Variants in TMCC1 observed in about 807,000 individuals in gnomAD.
TMCC1 encodes transmembrane and coiled-coil domains protein 1.
TMCC1 carries 15 observed loss-of-function variants against 52.4 expected under a neutral mutation model. The ratio of observed to expected loss-of-function variants is 0.29; its 90% CI spans 0.19 to 0.44. The LOEUF (loss-of-function observed/expected upper bound fraction) is 0.44. Ranked by LOEUF, TMCC1 falls within the 20% of genes least tolerant of loss-of-function variation. The pLI is 1.00. For missense variants in TMCC1, 503 were observed against 806.0 expected, an observed-to-expected ratio of 0.62 and a Z score of 4.55; for synonymous variants, 279 against 301.9, an observed-to-expected ratio of 0.92 and a Z score of 0.79.
intron 2 of TMCC1, among the ~76,000 whole-genome samples, chr3:129,846,047 G>GA (rs1014163441): frequency 1.3e-5 from 2 of 150,760 alleles, no homozygotes; most frequent in African/African-American, 4.9e-5. Flanking sequence ...AAAATAAAAA[G>GA]AAAAAACAAA....
intron 2 of TMCC1, among the ~76,000 whole-genome samples, chr3:129,854,976 T>C (rs535935241): frequency 6.6e-6 from 1 of 152,294 alleles, no homozygotes; most frequent in African/African-American, 2.4e-5. Flanking sequence ...AATGAACAAA[T>C]GCATGAACCA....
At chr3:129,740,519 T>G (rs980187390) in intron 4 of TMCC1, among the ~76,000 whole-genome samples, 3 of 152,188 alleles carry the variant, frequency 2.0e-5, no homozygotes, top group African/African-American at 7.2e-5. Context: ...TAATGTTTCC[T>G]AACTCATGGG....
At chr3:129,852,018 T>C (rs1205504365) in intron 2 of TMCC1, among the ~76,000 whole-genome samples, 1 of 151,972 alleles carries the variant, frequency 6.6e-6, no homozygotes, top group Non-Finnish European at 1.5e-5. Flanking sequence ...CCGGGTGTGG[T>C]TGCACATGCC....
At chr3:129,852,115 T>C (rs2059939682) in intron 2 of TMCC1, among the ~76,000 whole-genome samples, 1 of 152,126 alleles carries the variant, frequency 6.6e-6, no homozygotes, top group African/African-American at 2.4e-5. Context: ...ATTGTGCCAC[T>C]GTACTCCAAC....
intron 4 of TMCC1, among the ~76,000 whole-genome samples, chr3:129,706,408 G>A (rs1283310478): frequency 6.6e-6 from 1 of 151,958 alleles, no homozygotes; most frequent in Non-Finnish European, 1.5e-5. Flanking sequence ...GTTTCACCAT[G>A]TTGGCCAGGC....
intron 4 of TMCC1, among the ~76,000 whole-genome samples, chr3:129,763,900 C>T (rs1462674379): frequency 7.0e-6 from 1 of 143,138 alleles, no homozygotes; most frequent in South Asian, 2.1e-4. Context: ...AGTCTACTTA[C>T]TTAAAAAAAA....
intron 4 of TMCC1, among the ~76,000 whole-genome samples, chr3:129,802,717 C>T (rs765830279): frequency 6.6e-6 from 1 of 152,136 alleles, no homozygotes; most frequent in Non-Finnish European, 1.5e-5. Flanking sequence ...TGTCGCACAC[C>T]TGTTTGTGCC....
At chr3:129,841,439 T>TA (rs1334128987) in intron 2 of TMCC1, among the ~76,000 whole-genome samples, 32 of 152,156 alleles carry the variant, frequency 2.1e-4, no homozygotes, top group African/African-American at 7.7e-4. Flanking sequence ...ATACAAAAAT[T>TA]AGCTGGGCAT....
intron 2 of TMCC1, among the ~76,000 whole-genome samples, chr3:129,874,583 G>A (rs563748037): frequency 4.6e-5 from 7 of 152,298 alleles, no homozygotes; most frequent in African/African-American, 1.4e-4. Flanking sequence ...CAGGGCAGGT[G>A]CAGTGGCTCA....
chr3:129,659,729 A>G (rs568000045), intron 5 of TMCC1, among the ~76,000 whole-genome samples: 13 of 152,194 alleles, frequency 8.5e-5, no homozygotes, highest in Non-Finnish European at 1.5e-4. Context: ...ATCCCATATT[A>G]TGTCTAGAGG....
chr3:129,681,717 G>A (rs2088999119), intron 4 of TMCC1, among the ~76,000 whole-genome samples: 1 of 151,956 alleles, frequency 6.6e-6, no homozygotes, highest in Non-Finnish European at 1.5e-5. Context: ...AGACCAGCCT[G>A]GCCAACATGG....
At chr3:129,859,856 T>C (rs2060308023) in intron 2 of TMCC1, among the ~76,000 whole-genome samples, 1 of 152,136 alleles carries the variant, frequency 6.6e-6, no homozygotes, top group South Asian at 2.1e-4. Context: ...GCTCAATAAA[T>C]ATATGTTTAA....
intron 4 of TMCC1, among the ~76,000 whole-genome samples, chr3:129,776,303 T>C (rs536836402): frequency 6.6e-6 from 1 of 152,322 alleles, no homozygotes; most frequent in Non-Finnish European, 1.5e-5. Context: ...TAGCATAGAG[T>C]TGGTTTTCAA....
chr3:129,841,683 A>G (rs1441518701), intron 2 of TMCC1, among the ~76,000 whole-genome samples: 1 of 152,260 alleles, frequency 6.6e-6, no homozygotes, highest in Non-Finnish European at 1.5e-5. Flanking sequence ...GAAGCAGAGC[A>G]TAAAAGTTTG....
At chr3:129,709,666 A>G (rs1305833176) in intron 4 of TMCC1, among the ~76,000 whole-genome samples, 1 of 151,980 alleles carries the variant, frequency 6.6e-6, no homozygotes, top group Non-Finnish European at 1.5e-5. Context: ...AATGAAGAAC[A>G]TTCTGTTTAG....
At chr3:129,832,704 G>C (rs1052856418) in intron 3 of TMCC1, 70 bp downstream of exon 3, 2 of 151,982 alleles carry the variant, frequency 1.3e-5, no homozygotes, top group African/African-American at 4.8e-5. Context: ...TAAATATGGT[G>C]ACCAAAGCTT....
chr3:129,660,550 C>T (rs1376252884), intron 5 of TMCC1, among the ~76,000 whole-genome samples: 1 of 152,180 alleles, frequency 6.6e-6, no homozygotes, highest in East Asian at 1.9e-4. Context: ...TATGACATCA[C>T]AGAAATGGGT....
intron 4 of TMCC1, among the ~76,000 whole-genome samples, chr3:129,729,948 G>A (rs1040355762): frequency 6.6e-6 from 1 of 152,064 alleles, no homozygotes; most frequent in Non-Finnish European, 1.5e-5. Flanking sequence ...CCTGGCCAAC[G>A]AGTGAGACCT....
At chr3:129,744,984 G>T (rs987094624) in intron 4 of TMCC1, among the ~76,000 whole-genome samples, 1 of 152,214 alleles carries the variant, frequency 6.6e-6, no homozygotes, top group Non-Finnish European at 1.5e-5. Context: ...AGTTCAGAAA[G>T]TTTAAGAGAT....
Sources: allele counts gnomAD v4.1 joint callset (sites outside exome capture counted in the v4.1 genomes callset), GRCh38; gene constraint gnomAD v4.1.1; transcripts MANE v1.5; gene names NCBI Gene and HGNC (gene_info 2026-07-23, HGNC 2026-07-21).